Variants in GOLGA1 observed in about 807,000 individuals in gnomAD.
The protein encoded by GOLGA1 is golgin subfamily A member 1.
In GOLGA1, 63 loss-of-function variants were observed where a neutral mutation model predicts 119.7. That is an observed-to-expected ratio of 0.53 (90% CI 0.43 to 0.65). GOLGA1 has a LOEUF of 0.65. Ranked by LOEUF, GOLGA1 falls within the 30% of genes least tolerant of loss-of-function variation. The pLI is 0.00. For missense variants in GOLGA1, 798 were observed against 912.8 expected, an observed-to-expected ratio of 0.87 and a Z score of 1.62; for synonymous variants, 318 against 333.4, an observed-to-expected ratio of 0.95 and a Z score of 0.50.
intron 12 of GOLGA1, among the ~76,000 whole-genome samples, chr9:124,903,912 G>T (rs939106986): frequency 1.3e-4 from 20 of 152,046 alleles, no homozygotes; most frequent in Admixed American, 4.6e-4. Flanking sequence ...AGCCAGGCGT[G>T]GTGGAGCGTG....
At chr9:124,908,533 G>A (rs1212971917) in intron 11 of GOLGA1, 61 bp from the exon 12 acceptor site, 1 of 889,746 alleles carries the variant, frequency 1.1e-6, no homozygotes, top group East Asian at 2.4e-5. Context: ...AATATTTACA[G>A]ATTATCTACA....
At chr9:124,895,472 AAC>A (rs1211443689) in intron 15 of GOLGA1, among the ~76,000 whole-genome samples, 1 of 149,726 alleles carries the variant, frequency 6.7e-6, no homozygotes, top group Non-Finnish European at 1.5e-5. Context: ...AACCCTCCAC[AAC>A]AGAGACCCTC....
intron 20 of GOLGA1, among the ~76,000 whole-genome samples, chr9:124,882,214 C>CCACA (rs140546216): frequency 6.6e-6 from 1 of 151,750 alleles, no homozygotes; most frequent in African/African-American, 2.4e-5. Context: ...AAGCACTCTG[C>CCACA]CACACACACA....
rs778064594 is a variant in GOLGA1 at position 124,926,743 on chromosome 9, TAAAAC to T, written c.400-7_400-3del. ...CTGATCCATCTTTTCTGACCATTCC[TAAAAC>T]AAAACAATAAAAAAGTATGGTTTCC... On this transcript the variant is annotated splice_polypyrimidine_tract_variant and splice_region_variant and intron_variant, in intron 6 of 22. Coordinates refer to ENST00000373555, the MANE Select transcript of GOLGA1 (RefSeq NM_002077.4). 14 of 1,546,756 alleles carry T rather than the reference TAAAAC, an allele frequency of 9.1e-6. No individual in the cohort carries two copies. The highest frequency in any genetic ancestry group is 2.3e-5 in the East Asian group (1 of 44,092).
upstream of GOLGA1, chr9:124,944,578 C>G (rs1831113042): frequency 6.8e-6 from 1 of 146,136 alleles, no homozygotes; most frequent in Non-Finnish European, 1.5e-5. Context: ...TGCTAAAACA[C>G]TAAGCAATTT....
At chr9:124,931,706 T>G (rs1241696936) in intron 3 of GOLGA1, among the ~76,000 whole-genome samples, 1 of 152,180 alleles carries the variant, frequency 6.6e-6, no homozygotes, top group East Asian at 1.9e-4. Flanking sequence ...ATATTTGCCA[T>G]GATAAAAAAA....
rs1259888252 is a variant in GOLGA1 at position 124,895,808 on chromosome 9, C to G, written c.1407+2741G>C. 9.7e-5 allele frequency among the ~76,000 whole-genome samples: 13 copies of G among 133,694 alleles called. 1 individual carries two copies. Among genetic ancestry groups the G allele is most frequent in the African/African-American group, 3.1e-4 (12 of 38,466 alleles). 87.7% of individuals were successfully genotyped at this position (133,694 alleles called of 152,430 possible). On this transcript the variant is annotated intron_variant, in intron 15 of 22. Coordinates refer to ENST00000373555, the MANE Select transcript of GOLGA1 (RefSeq NM_002077.4). ...AACAGAGAACCATCCCCAACAGAGA[C>G]CCTCCACAACAGAGAACCCTCCACA... is the stretch of plus-strand genomic sequence containing the variant.
chr9:124,891,074 T>A (rs780937453), intron 15 of GOLGA1, among the ~76,000 whole-genome samples: 2 of 152,186 alleles, frequency 1.3e-5, no homozygotes, highest in African/African-American at 2.4e-5. Flanking sequence ...GAGGATTGCT[T>A]GTGTCCGGGA....
At chr9:124,895,414 GCTCCACAACAGAGAACC>G (rs1829951511) in intron 15 of GOLGA1, among the ~76,000 whole-genome samples, 5 of 95,434 alleles carry the variant, frequency 5.2e-5, no homozygotes, top group Admixed American at 2.6e-4. Flanking sequence ...CAACAGAGAC[GCTCCACAACAGAGAACC>G]CTCCACAACA....
At chr9:124,901,805 T>G (rs556730837) in intron 12 of GOLGA1, among the ~76,000 whole-genome samples, 1 of 152,196 alleles carries the variant, frequency 6.6e-6, no homozygotes, top group Non-Finnish European at 1.5e-5. Context: ...TTTTTTTAAC[T>G]GGTTTGAATC....
At chr9:124,914,483 G>A (rs763098235) in intron 10 of GOLGA1, among the ~76,000 whole-genome samples, 1 of 151,904 alleles carries the variant, frequency 6.6e-6, no homozygotes, top group Non-Finnish European at 1.5e-5. Context: ...CCTGAGCGAG[G>A]AGCGACACTC....
chr9:124,916,152 T>TAA (rs916127257), intron 10 of GOLGA1, among the ~76,000 whole-genome samples: 8 of 140,268 alleles, frequency 5.7e-5, no homozygotes, highest in Middle Eastern at 3.5e-3. Context: ...CTTATTTAAG[T>TAA]AAAAAAAAAA....
rs1379613812 is a variant in GOLGA1, at chr9:124,888,923, T to C, written c.1761+220A>G. Among the ~76,000 whole-genome samples the C allele has an allele frequency of 6.6e-6, 1 of 152,106 alleles. No homozygotes were observed. Among genetic ancestry groups the C allele is most frequent in the Admixed American group, 6.5e-5 (1 of 15,270 alleles). Reference sequence around the variant, plus strand: ...ACCGTGTTAGCCAGGATGGTCTCGATCTCCTGAACTCGTGATCCACCCGCC... The same window carrying C: ...ACCGTGTTAGCCAGGATGGTCTCGACCTCCTGAACTCGTGATCCACCCGCC... On this transcript the variant is annotated intron_variant, in intron 18 of 22. Coordinates refer to ENST00000373555, the MANE Select transcript of GOLGA1 (RefSeq NM_002077.4). The surrounding 1 kb of genome is among the most constrained non-coding windows in gnomAD (Gnocchi z 4.4).
At chr9:124,914,143 T>C (rs373926062) in intron 10 of GOLGA1, among the ~76,000 whole-genome samples, 34 of 152,140 alleles carry the variant, frequency 2.2e-4, no homozygotes, top group East Asian at 1.5e-3. Context: ...ATACTAGCAA[T>C]AGTTATAACT....
At chr9:124,906,618 G>A (rs1830238062) in intron 12 of GOLGA1, among the ~76,000 whole-genome samples, 1 of 152,006 alleles carries the variant, frequency 6.6e-6, no homozygotes, top group Non-Finnish European at 1.5e-5. Context: ...TGGGCGTGAT[G>A]CTGGACACCT....
chr9:124,908,583 C>G (rs1043598812), intron 11 of GOLGA1, 111 bp from the exon 12 acceptor site: 1 of 695,010 alleles, frequency 1.4e-6, no homozygotes, highest in African/African-American at 1.8e-5. Context: ...GACATGAATA[C>G]ATTTTTAATA....
rs1830727771 is a variant in GOLGA1, at chr9:124,929,225, G to A, written c.292C>T (p.His98Tyr). ...GGAAAAAAATACGTACAATCCTGGT[G>A]TTTTTCTAATGCAATTTCAAGCTTC... Reference protein sequence around the residue: ...KEKLEIALEKHQDSSMRKFQE... With the variant: ...KEKLEIALEKYQDSSMRKFQE... The change falls in exon 5 of 23, where the codon CAC becomes TAC. Residue 98 changes from histidine to tyrosine, a missense_variant. Transcript: ENST00000373555. 1 of 1,594,318 alleles carries A rather than the reference G, an allele frequency of 6.3e-7. No homozygotes were observed. Among genetic ancestry groups the A allele is most frequent in the African/African-American group, 1.3e-5 (1 of 74,516 alleles).
intron 10 of GOLGA1, among the ~76,000 whole-genome samples, chr9:124,917,099 G>A (rs1466890668): frequency 6.6e-6 from 1 of 151,936 alleles, no homozygotes; most frequent in African/African-American, 2.4e-5. Flanking sequence ...AACAAGCATG[G>A]GAAACTAAAG....
intron 10 of GOLGA1, among the ~76,000 whole-genome samples, chr9:124,918,700 G>C (rs529517476): frequency 6.6e-6 from 1 of 152,226 alleles, no homozygotes; most frequent in South Asian, 2.1e-4. Flanking sequence ...AGGTTGCAGT[G>C]AGCCAAGATC....
Sources: gnomAD v4.1 joint callset for allele counts (sites outside exome capture counted in the v4.1 genomes callset) on GRCh38, gnomAD v4.1.1 for gene constraint, Gnocchi (gnomAD v3.1) non-coding constraint, MANE v1.5 for transcripts, NCBI Gene and HGNC (gene_info 2026-07-23, HGNC 2026-07-21) for gene names.